The following THRB variants were observed in gnomAD, a reference collection of about 807,000 sequenced individuals.
THRB encodes the protein thyroid hormone receptor beta.
A neutral mutation model predicts 47.8 loss-of-function variants in THRB; 12 were observed. That is an observed-to-expected ratio of 0.25 (90% CI 0.16 to 0.41). THRB has a LOEUF of 0.41. Ranked by LOEUF, THRB falls within the 10% of genes least tolerant of loss-of-function variation. The probability of loss-of-function intolerance (pLI) is 1.00; values close to 1 mark genes in which losing one functional copy is unlikely to be tolerated. For missense variants in THRB, 348 were observed against 589.2 expected, an observed-to-expected ratio of 0.59 and a Z score of 4.24; for synonymous variants, 218 against 212.2, an observed-to-expected ratio of 1.03 and a Z score of -0.24.
chr3:24,436,769 A>G (rs898918918), intron 1 of THRB, among the ~76,000 whole-genome samples: 2 of 152,164 alleles, frequency 1.3e-5, no homozygotes, highest in Non-Finnish European at 2.9e-5. Flanking sequence ...CTTCTTCGAA[A>G]TGCTCTGAGC....
chr3:24,283,412 T>G (rs1180325116), intron 3 of THRB, among the ~76,000 whole-genome samples: 1 of 151,792 alleles, frequency 6.6e-6, no homozygotes. Flanking sequence ...CTCAATAAAT[T>G]AGGTATTGAT....
chr3:24,233,599 G>GAAAGAAAGAAAAAT lies in THRB; in HGVS notation c.-42-4599_-42-4598insATTTTTCTTTCTTT, dbSNP rs1559684617. On this transcript the variant is annotated intron_variant, in intron 3 of 10. Coordinates refer to ENST00000646209, the MANE Select transcript of THRB (RefSeq NM_001354712.2). ...AGAAAGAAAGAAAGAAAGAAAGAAA[G>GAAAGAAAGAAAAAT]AAAGAAAGAAAGAAAGAGAAAGAGC... 1.1e-3 allele frequency among the ~76,000 whole-genome samples: 163 copies of GAAAGAAAGAAAAAT among 150,898 alleles called. 2 individuals are homozygous for GAAAGAAAGAAAAAT. Among genetic ancestry groups the GAAAGAAAGAAAAAT allele is most frequent in the African/African-American group, 3.6e-3 (146 of 41,066 alleles).
At chr3:24,294,197 G>A (rs1051733227) in intron 3 of THRB, among the ~76,000 whole-genome samples, 2 of 152,206 alleles carry the variant, frequency 1.3e-5, no homozygotes, top group African/African-American at 4.8e-5. Flanking sequence ...ATGCTGTGAG[G>A]AAGCCCAAGC....
At chr3:24,279,547 G>A (rs1029780649) in intron 3 of THRB, among the ~76,000 whole-genome samples, 7 of 132,200 alleles carry the variant, frequency 5.3e-5, no homozygotes, top group East Asian at 4.8e-4. Flanking sequence ...ACCACGGCTG[G>A]CTAATTTTTT....
intron 2 of THRB, among the ~76,000 whole-genome samples, chr3:24,315,122 T>C (rs1490071613): frequency 6.6e-6 from 1 of 152,160 alleles, no homozygotes; most frequent in South Asian, 2.1e-4. Flanking sequence ...AAGGATACAT[T>C]AGAATTTTAA....
At chr3:24,450,775 TGG>T (rs2072573135) in intron 1 of THRB, among the ~76,000 whole-genome samples, 1 of 152,196 alleles carries the variant, frequency 6.6e-6, no homozygotes, top group Non-Finnish European at 1.5e-5. Flanking sequence ...TACAGTCAAC[TGG>T]TGTGAAGGTC....
chr3:24,252,075 C>T (rs1030410577), intron 3 of THRB, among the ~76,000 whole-genome samples: 27 of 152,042 alleles, frequency 1.8e-4, no homozygotes, highest in African/African-American at 6.5e-4. Flanking sequence ...CCTTGAAAGA[C>T]GCTAAAATGG....
chr3:24,493,474 A>G (rs1698498560), intron 1 of THRB, among the ~76,000 whole-genome samples: 1 of 152,238 alleles, frequency 6.6e-6, no homozygotes, highest in African/African-American at 2.4e-5. Flanking sequence ...TGTGCAAGGA[A>G]TGCTTAATTT....
At chr3:24,212,402 C>G (rs1355778044) in intron 4 of THRB, among the ~76,000 whole-genome samples, 1 of 143,680 alleles carries the variant, frequency 7.0e-6, no homozygotes, top group East Asian at 2.1e-4. Context: ...CGTCTCAAAA[C>G]AACAAAATAA....
Position 24,120,351 on chromosome 3 carries a change from G to A in THRB, c.*2533C>T, listed in dbSNP as rs1001003718. 6 of 152,174 alleles carry A rather than the reference G, an allele frequency of 3.9e-5. No individual in the cohort carries two copies. The highest frequency in any genetic ancestry group is 2.1e-4 in the South Asian group (1 of 4,828). 9.4% of individuals were successfully genotyped at this position (152,174 alleles called of 1,614,324 possible). On this transcript the variant is annotated 3_prime_UTR_variant, in exon 11 of 11. Coordinates refer to ENST00000646209, the MANE Select transcript of THRB (RefSeq NM_001354712.2). ...AAGGATCAAACGTTCCTTTACTTGC[G>A]GCTGGCTGGATGGCTGTTTATATGC...
intron 1 of THRB, among the ~76,000 whole-genome samples, chr3:24,484,310 T>A (rs1167443089): frequency 6.6e-6 from 1 of 152,208 alleles, no homozygotes; most frequent in Non-Finnish European, 1.5e-5. Context: ...TTTGATAGAA[T>A]CCCAGAGTTT....
At chr3:24,431,165 T>A (rs1003772501) in intron 1 of THRB, 3 of 151,746 alleles carry the variant, frequency 2.0e-5, no homozygotes, top group Non-Finnish European at 4.4e-5. Flanking sequence ...TATGTTCATT[T>A]AAAAAAATTC....
chr3:24,278,194 T>A (rs1227062182), intron 3 of THRB, among the ~76,000 whole-genome samples: 1 of 152,224 alleles, frequency 6.6e-6, no homozygotes, highest in African/African-American at 2.4e-5. Flanking sequence ...ACTCTCTCAC[T>A]AATTATTATT....
At chr3:24,374,586 C>G (rs908210904) in intron 1 of THRB, among the ~76,000 whole-genome samples, 7 of 151,904 alleles carry the variant, frequency 4.6e-5, no homozygotes, top group Admixed American at 4.6e-4. Context: ...AATATTCAAA[C>G]CATATAAAAT....
At chr3:24,173,830 T>C (rs62255849) in intron 5 of THRB, among the ~76,000 whole-genome samples, 9,629 of 152,270 alleles carry the variant, frequency 0.063, 470 homozygotes, top group African/African-American at 0.13. Flanking sequence ...CGTGTGCAGA[T>C]GGTGCTTAAT....
chr3:24,483,771 C>T (rs1696835125), intron 1 of THRB, among the ~76,000 whole-genome samples: 2 of 152,204 alleles, frequency 1.3e-5, no homozygotes, highest in African/African-American at 4.8e-5. Context: ...AAAATAGTAG[C>T]ATAGTGTAGC....
chr3:24,419,920 C>G (rs1378536343), intron 1 of THRB, among the ~76,000 whole-genome samples: 1 of 151,770 alleles, frequency 6.6e-6, no homozygotes, highest in Non-Finnish European at 1.5e-5. Context: ...ATGGCACAGT[C>G]TGGAGGGGTT....
chr3:24,148,789 G>A (rs137986776), intron 6 of THRB, among the ~76,000 whole-genome samples: 13 of 152,238 alleles, frequency 8.5e-5, no homozygotes, highest in African/African-American at 3.1e-4. Flanking sequence ...ATTTTATATT[G>A]GGCAAAGCAG....
intron 1 of THRB, among the ~76,000 whole-genome samples, chr3:24,489,548 T>C (rs1697823990): frequency 6.6e-6 from 1 of 152,168 alleles, no homozygotes; most frequent in Non-Finnish European, 1.5e-5. Context: ...CTCAGGACAG[T>C]CAAGGTTCCT....
Sources: allele counts gnomAD v4.1 joint callset (sites outside exome capture counted in the v4.1 genomes callset), GRCh38; gene constraint gnomAD v4.1.1; transcripts MANE v1.5; gene names NCBI Gene and HGNC (gene_info 2026-07-23, HGNC 2026-07-21).